The following VPS41 variants were observed in gnomAD, a reference collection of about 807,000 sequenced individuals.
VPS41 encodes VPS41 subunit of HOPS complex, also known as vacuolar protein sorting-associated protein 41 homolog.
VPS41 carries 85 observed loss-of-function variants against 130.9 expected under a neutral mutation model. The observed-to-expected ratio is 0.65, with a 90% CI of 0.55 to 0.78. VPS41 has a LOEUF of 0.78. Among genes scored for constraint, VPS41 ranks in the 30% least tolerant of loss-of-function variants. The probability of loss-of-function intolerance (pLI) is 0.00; values close to 1 mark genes in which losing one functional copy is unlikely to be tolerated. For synonymous variants in VPS41, 335 were observed against 332.9 expected, an observed-to-expected ratio of 1.01 and a Z score of -0.07; for missense variants, 874 against 1,018.7, an observed-to-expected ratio of 0.86 and a Z score of 1.93.
chr7:38,780,166 G>C (rs1383397487), intron 10 of VPS41, among the ~76,000 whole-genome samples: 1 of 144,234 alleles, frequency 6.9e-6, no homozygotes, highest in African/African-American at 2.6e-5. Context: ...GCTGGACAGG[G>C]TGTTTTTTTT....
intron 4 of VPS41, among the ~76,000 whole-genome samples, chr7:38,861,035 A>C (rs563819844): frequency 6.6e-6 from 1 of 152,296 alleles, no homozygotes; most frequent in South Asian, 2.1e-4. Context: ...CTGAAGAAAG[A>C]TTTAGACAAA....
At chr7:38,866,879 A>G (rs1786241156) in intron 3 of VPS41, among the ~76,000 whole-genome samples, 1 of 152,200 alleles carries the variant, frequency 6.6e-6, no homozygotes, top group Non-Finnish European at 1.5e-5. Flanking sequence ...TTTTGAGAAG[A>G]AAGGTGAGAT....
At chr7:38,888,506 G>C (rs565451105) in intron 2 of VPS41, among the ~76,000 whole-genome samples, 29 of 152,220 alleles carry the variant, frequency 1.9e-4, no homozygotes, top group African/African-American at 7.0e-4. Context: ...CCCAATACAG[G>C]AGCACCCAGA....
At chr7:38,752,455 A>T in intron 21 of VPS41, 142 bp from the exon 22 acceptor site, 1 of 986,976 alleles carries the variant, frequency 1.0e-6, no homozygotes, top group Non-Finnish European at 1.5e-6. Context: ...TAGGTGATGG[A>T]GAAGTGGAAA....
intron 27 of VPS41, chr7:38,728,277 C>G (rs1325989255): frequency 1.6e-6 from 1 of 627,526 alleles, no homozygotes; most frequent in Non-Finnish European, 2.8e-6. Flanking sequence ...ACCAGAGACT[C>G]TAGGGAGTCT....
rs750578708 is a variant in VPS41 at position 38,772,655 on chromosome 7, G to A, written c.1013-18C>T. ...AGAGTATTCTGTAGGTGAGAAAAGA[G>A]AGGAACGACTTGGTGACTGAACAGC... On this transcript the variant is annotated intron_variant, in intron 12 of 28. Coordinates refer to ENST00000310301, the MANE Select transcript of VPS41 (RefSeq NM_014396.4). 4 of 1,566,830 alleles carry A rather than the reference G, an allele frequency of 2.6e-6. No individual in the cohort carries two copies. In the Admixed American group the frequency reaches 6.7e-5, roughly 26 times the overall value.
At chr7:38,823,855 T>C (rs751013251) in intron 5 of VPS41, among the ~76,000 whole-genome samples, 3 of 152,204 alleles carry the variant, frequency 2.0e-5, no homozygotes, top group Non-Finnish European at 4.4e-5. Context: ...CTGCTGCTCA[T>C]TGTTCAGAGG....
intron 25 of VPS41, 28 bp downstream of exon 25, chr7:38,741,957 G>A: frequency 2.5e-6 from 4 of 1,610,844 alleles, no homozygotes; most frequent in Non-Finnish European, 3.4e-6. Flanking sequence ...TAATTCAGAT[G>A]CTCATTTGTC....
rs559430739 is a variant in VPS41, at chr7:38,727,737, A to G, written c.2405-749T>C. ...CCCCATGAAATAATCCTTTAATCCTAAGTAAACATGAGGTCAACTAGGTCT... is the reference window on the plus strand; with the variant it reads ...CCCCATGAAATAATCCTTTAATCCTGAGTAAACATGAGGTCAACTAGGTCT... On this transcript the variant is annotated intron_variant, in intron 27 of 28. Transcript: ENST00000310301. Among the ~76,000 whole-genome samples the G allele has an allele frequency of 4.3e-4, 66 of 152,158 alleles. 1 individual carries two copies. The highest frequency in any genetic ancestry group is 2.5e-4 in the Non-Finnish European group (17 of 68,018).
At chr7:38,829,844 T>C (rs569577697) in intron 5 of VPS41, among the ~76,000 whole-genome samples, 3 of 152,340 alleles carry the variant, frequency 2.0e-5, no homozygotes, top group African/African-American at 7.2e-5. Context: ...GAAACATTCA[T>C]AACTTGTGTG....
At chr7:38,870,944 A>AG in intron 2 of VPS41, among the ~76,000 whole-genome samples, 1 of 150,658 alleles carries the variant, frequency 6.6e-6, no homozygotes. Flanking sequence ...TGAAATGAGT[A>AG]AAAAAAAATA....
At chr7:38,897,018 AC>A (rs1359566247) in intron 2 of VPS41, among the ~76,000 whole-genome samples, 1 of 151,792 alleles carries the variant, frequency 6.6e-6, no homozygotes, top group African/African-American at 2.4e-5. Context: ...ACATGGTGAA[AC>A]CCTGTCTCTA....
chr7:38,854,339 T>C (rs919875325), intron 4 of VPS41, among the ~76,000 whole-genome samples: 3 of 152,196 alleles, frequency 2.0e-5, no homozygotes, highest in Non-Finnish European at 4.4e-5. Context: ...TTGCTTCAGG[T>C]CGATAAGTGA....
intron 2 of VPS41, among the ~76,000 whole-genome samples, chr7:38,896,474 T>A (rs1236055500): frequency 6.6e-6 from 1 of 152,222 alleles, no homozygotes; most frequent in Non-Finnish European, 1.5e-5. Context: ...GCAGGCCACA[T>A]ATGGCCTAGG....
intron 4 of VPS41, among the ~76,000 whole-genome samples, chr7:38,855,334 C>T (rs147890841): frequency 6.6e-6 from 1 of 150,820 alleles, no homozygotes; most frequent in South Asian, 2.1e-4. Flanking sequence ...ATGATCATTT[C>T]TTTTGCTGAA....
At chr7:38,838,784 C>T (rs1785546463) in intron 4 of VPS41, among the ~76,000 whole-genome samples, 1 of 152,176 alleles carries the variant, frequency 6.6e-6, no homozygotes, top group Non-Finnish European at 1.5e-5. Context: ...ATGTAAGATG[C>T]TTGAAATAAA....
intron 7 of VPS41, 69 bp downstream of exon 7, chr7:38,817,748 A>C (rs1184443168): frequency 5.5e-6 from 7 of 1,269,340 alleles, no homozygotes; most frequent in Non-Finnish European, 8.1e-6. Context: ...AACATTAAGG[A>C]TAAATTACAG....
intron 21 of VPS41, among the ~76,000 whole-genome samples, chr7:38,752,885 C>T (rs1783706744): frequency 6.6e-6 from 1 of 152,168 alleles, no homozygotes; most frequent in South Asian, 2.1e-4. Flanking sequence ...TCTTTGTTGA[C>T]TCTTCAAATG....
intron 9 of VPS41, among the ~76,000 whole-genome samples, chr7:38,790,075 T>G (rs1470121806): frequency 2.0e-5 from 3 of 152,246 alleles, no homozygotes; most frequent in Non-Finnish European, 4.4e-5. Context: ...CAATAAAGCC[T>G]GATTCACATA....
Sources: gnomAD v4.1 joint callset for allele counts (sites outside exome capture counted in the v4.1 genomes callset) on GRCh38, gnomAD v4.1.1 for gene constraint, MANE v1.5 for transcripts, NCBI Gene and HGNC (gene_info 2026-07-23, HGNC 2026-07-21) for gene names.